The following PABIR3 variants were observed in gnomAD, a reference collection of about 807,000 sequenced individuals.
The protein encoded by PABIR3 is PABIR family member 3, also known as PABIR family member 1.
Under a neutral mutation model 23.1 loss-of-function variants are expected in PABIR3, and 20 were observed. That is an observed-to-expected ratio of 0.86 (90% CI 0.61 to 1.26). The LOEUF (loss-of-function observed/expected upper bound fraction) is 1.26, where lower values mean the gene tolerates loss of function less well. Ranked by LOEUF, PABIR3 falls within the 50% of genes most tolerant of loss-of-function variation. The pLI is 0.00. For missense variants in PABIR3, 189 were observed against 195.4 expected, an observed-to-expected ratio of 0.97 and a Z score of 0.20; for synonymous variants, 69 against 68.5, an observed-to-expected ratio of 1.01 and a Z score of -0.04.
chrX:134,842,605 C>T (rs752632091), intron 4 of PABIR3, among the ~76,000 whole-genome samples: 1 of 109,047 alleles, frequency 9.2e-6, no homozygotes, highest in South Asian at 3.9e-4. Context: ...GAGACTCCGT[C>T]TCAAAAAAAA....
intron 2 of PABIR3, chrX:134,810,246 T>C (rs1195966121): frequency 2.7e-6 from 2 of 753,199 alleles, no homozygotes; most frequent in East Asian, 3.0e-4. Flanking sequence ...CAGAGAGATC[T>C]CAGTTATCCC....
intron 4 of PABIR3, among the ~76,000 whole-genome samples, chrX:134,832,134 C>T (rs1174612177): frequency 4.6e-5 from 5 of 109,328 alleles, no homozygotes; most frequent in African/African-American, 1.7e-4. Flanking sequence ...AAAAATTAGC[C>T]GTGCGTGGTG....
chrX:134,853,984 A>G, intron 10 of PABIR3, 107 bp from the exon 11 acceptor site: 3 of 853,565 alleles, frequency 3.5e-6, no homozygotes, highest in Non-Finnish European at 4.9e-6. Context: ...GCTTGTGACA[A>G]GTGCCAGTTG....
intron 4 of PABIR3, among the ~76,000 whole-genome samples, chrX:134,838,493 C>T (rs1416601927): frequency 2.8e-5 from 3 of 108,789 alleles, no homozygotes; most frequent in African/African-American, 6.7e-5. Flanking sequence ...TTAGTAGAGA[C>T]GGGGTTTCAC....
chrX:134,844,731 T>C (rs2082377020), intron 4 of PABIR3, among the ~76,000 whole-genome samples: 1 of 111,689 alleles, frequency 9.0e-6, no homozygotes, highest in Non-Finnish European at 1.9e-5. Flanking sequence ...AATGACTAGA[T>C]TTAAATTATG....
chrX:134,862,142 GTTTTTTTTTTTT>G, the PABIR3 span, among the ~76,000 whole-genome samples: 1 of 47,902 alleles, frequency 2.1e-5, no homozygotes, highest in Admixed American at 2.9e-4. Flanking sequence ...TTTATTGGCT[GTTTTTTTTTTTT>G]TTTTTTTTTT....
chrX:134,808,971 G>A (rs898701825), intron 2 of PABIR3, among the ~76,000 whole-genome samples: 3 of 111,338 alleles, frequency 2.7e-5, no homozygotes, highest in Admixed American at 9.5e-5. Flanking sequence ...TGTATAAAGC[G>A]CAGATATACA....
Position 134,821,504 on chromosome X carries a change from G to A in PABIR3, c.189+6655G>A, listed in dbSNP as rs775267794. On this transcript the variant is annotated intron_variant, in intron 3 of 10. Transcript: ENST00000645433. ...ACTTCTGCTCAAGCCGGATGTCACT[G>A]CGTCACTTCTCCATCCCCACCCCCT... is the stretch of plus-strand genomic sequence containing the variant. The A allele has an allele frequency of 3.5e-6, 4 of 1,150,223 alleles. No individual in the cohort carries two copies. In the South Asian group the frequency reaches 7.6e-5, roughly 22 times the overall value. The allele number at this position is 1,150,223 out of a possible 1,213,427, so 94.8% of individuals were successfully genotyped here.
At chrX:134,829,383 G>A (rs940304463) in intron 4 of PABIR3, 101 bp downstream of exon 4, 35 of 634,994 alleles carry the variant, frequency 5.5e-5, no homozygotes, top group Non-Finnish European at 6.6e-5. Context: ...GTGAGGTCAC[G>A]TGTAATATTA....
intron 2 of PABIR3, chrX:134,810,272 G>C (rs2080570768): frequency 1.3e-6 from 1 of 752,919 alleles, no homozygotes; most frequent in South Asian, 6.8e-5. Context: ...ACCTTGCTTT[G>C]TTCTGCAAAG....
At chrX:134,821,443 A>G in intron 3 of PABIR3, 2 of 1,155,227 alleles carry the variant, frequency 1.7e-6, no homozygotes, top group Non-Finnish European at 2.3e-6. Context: ...TGAAGTTGCC[A>G]TGCCTGTTCC....
chrX:134,859,510 CT>C (rs1210882283), downstream of PABIR3, among the ~76,000 whole-genome samples: 2 of 111,221 alleles, frequency 1.8e-5, no homozygotes, highest in African/African-American at 3.3e-5. Flanking sequence ...CAAGTTCCCC[CT>C]GACACAGCAC....
chrX:134,847,541 T>G (rs1473874766), intron 7 of PABIR3, 66 bp downstream of exon 7: 11 of 803,208 alleles, frequency 1.4e-5, no homozygotes, highest in Non-Finnish European at 2.0e-5. Context: ...GGAACATTAA[T>G]GGTCACCAAA....
chrX:134,825,081 AG>A (rs895385398), intron 3 of PABIR3, among the ~76,000 whole-genome samples: 1 of 111,399 alleles, frequency 9.0e-6, no homozygotes, highest in Non-Finnish European at 1.9e-5. Flanking sequence ...TGAGAGCCGG[AG>A]GGGGGTATGT....
chrX:134,833,521 A>G (rs2081879150), intron 4 of PABIR3, among the ~76,000 whole-genome samples: 3 of 111,694 alleles, frequency 2.7e-5, no homozygotes, highest in Admixed American at 1.9e-4. Context: ...TATCTCTTAG[A>G]TCTCTTTTAT....
At chrX:134,813,659 T>G (rs1353195540) in intron 2 of PABIR3, among the ~76,000 whole-genome samples, 1 of 111,770 alleles carries the variant, frequency 8.9e-6, no homozygotes, top group Non-Finnish European at 1.9e-5. Context: ...CGGGCACCGC[T>G]GGGATCTGTA....
intron 3 of PABIR3, chrX:134,821,531 C>A: frequency 8.7e-7 from 1 of 1,152,457 alleles, no homozygotes; most frequent in Non-Finnish European, 1.1e-6. Context: ...CCACCCCCTC[C>A]TCTTCCAAAG....
chrX:134,828,039 C>CTATATATATATATATA (rs1174836921), intron 3 of PABIR3, among the ~76,000 whole-genome samples: 1 of 73,440 alleles, frequency 1.4e-5, no homozygotes, highest in Non-Finnish European at 2.6e-5. Flanking sequence ...CTCTCTCTCT[C>CTATATATATATATATA]TCTCTCTCTA....
chrX:134,829,447 C>CT (rs1224795537), intron 4 of PABIR3, among the ~76,000 whole-genome samples, 165 bp downstream of exon 4: 2 of 110,683 alleles, frequency 1.8e-5, no homozygotes, highest in African/African-American at 6.6e-5. Flanking sequence ...CTAAGAAGCA[C>CT]TTTTTTTGGC....
Sources: gnomAD v4.1 joint callset for allele counts (sites outside exome capture counted in the v4.1 genomes callset) on GRCh38, gnomAD v4.1.1 for gene constraint, MANE v1.5 for transcripts, NCBI Gene and HGNC (gene_info 2026-07-23, HGNC 2026-07-21) for gene names.